The following TMEFF1 variants were observed in gnomAD, a reference collection of about 807,000 sequenced individuals.
TMEFF1 encodes transmembrane protein with EGF like and two follistatin like domains 1.
In TMEFF1, 20 loss-of-function variants were observed where a neutral mutation model predicts 47.5. The ratio of observed to expected loss-of-function variants is 0.42; its 90% CI spans 0.30 to 0.61. The LOEUF (loss-of-function observed/expected upper bound fraction) is 0.61. TMEFF1 is among the 20% of genes least tolerant of loss of function. TMEFF1 has a pLI of 0.19. For synonymous variants in TMEFF1, 162 were observed against 166.3 expected (o/e 0.97, Z 0.20); for missense variants, 411 against 471.1 (o/e 0.87, Z 1.18).
chr9:100,548,358 T>C (rs532682545), intron 6 of TMEFF1, among the ~76,000 whole-genome samples: 1 of 152,354 alleles, frequency 6.6e-6, no homozygotes, highest in South Asian at 2.1e-4. Flanking sequence ...GATTTTGGTG[T>C]GAAGTTAGAG....
chr9:100,480,184 A>G (rs79977116), intron 1 of TMEFF1, among the ~76,000 whole-genome samples: 3,043 of 152,272 alleles, frequency 0.02, 89 homozygotes, highest in African/African-American at 0.069. Flanking sequence ...AGAAATGTCT[A>G]TTCAGATCCT....
At chr9:100,513,387 C>A in intron 4 of TMEFF1, 54 bp downstream of exon 4, 65 of 1,380,188 alleles carry the variant, frequency 4.7e-5, no homozygotes, top group Non-Finnish European at 5.9e-5. Flanking sequence ...TTCTTTCTTT[C>A]TTTTTCTTTT....
In TMEFF1 at chr9:100,515,453, G is replaced by A. The variant is rs1388200910; in HGVS notation, c.464-1222G>A. Among the ~76,000 whole-genome samples, 5 of 152,092 alleles carry A rather than the reference G, an allele frequency of 3.3e-5. No individual in the cohort carries two copies. In the East Asian group the frequency reaches 9.6e-4, roughly 29 times the overall value. ...TTCGGAAGCATTACCAAACAGGCAT[G>A]GCAGATTTGTGTACCTTTTTTAACA... On this transcript the variant is annotated intron_variant, in intron 4 of 9. Transcript: ENST00000374879.
At chr9:100,557,340 T>C (rs1270173544) in intron 7 of TMEFF1, among the ~76,000 whole-genome samples, 1 of 152,068 alleles carries the variant, frequency 6.6e-6, no homozygotes, top group African/African-American at 2.4e-5. Context: ...CTAATTTTCA[T>C]GTAAAACCCG....
At chr9:100,512,727 A>G (rs1254251695) in intron 3 of TMEFF1, among the ~76,000 whole-genome samples, 1 of 152,206 alleles carries the variant, frequency 6.6e-6, no homozygotes, top group Non-Finnish European at 1.5e-5. Context: ...CAAGTCAGGT[A>G]AGTCCTTCGG....
chr9:100,483,544 A>G (rs189763495), intron 1 of TMEFF1, among the ~76,000 whole-genome samples: 199 of 150,480 alleles, frequency 1.3e-3, no homozygotes, highest in Non-Finnish European at 2.1e-3. Context: ...GTGTCATTGT[A>G]TTCTAGTATG....
At chr9:100,572,379 T>C (rs2118581937) in intron 8 of TMEFF1, 139 bp from the exon 9 acceptor site, 2 of 972,080 alleles carry the variant, frequency 2.1e-6, no homozygotes, top group East Asian at 3.0e-5. Flanking sequence ...AAATGACATT[T>C]TTCCCCCAGA....
rs552769399 is a variant in TMEFF1 at position 100,478,713 on chromosome 9, A to C, written c.196+4973A>C. On this transcript the variant is annotated intron_variant, in intron 1 of 9. Transcript: ENST00000374879. ...GAGAAAAAAAGCTTGGAAATACATG[A>C]CATATGTGAAGAAAGATAAACTTGA... Among the ~76,000 whole-genome samples the C allele has an allele frequency of 9.8e-4, 137 of 139,714 alleles. 1 individual carries two copies. The East Asian group carries it at 0.034, about 35-fold the overall frequency. 91.7% of individuals were successfully genotyped at this position (139,714 alleles called of 152,430 possible).
At chr9:100,563,207 A>G (rs930070133) in intron 8 of TMEFF1, among the ~76,000 whole-genome samples, 1 of 151,904 alleles carries the variant, frequency 6.6e-6, no homozygotes, top group Non-Finnish European at 1.5e-5. Context: ...CGTGCCTCAG[A>G]CTCCCAAAGT....
Position 100,543,292 on chromosome 9 carries a change from T to C in TMEFF1, c.561-4452T>C, listed in dbSNP as rs185855714. ...CTGCTGTGGTCTGGTTAATTTCCTC[T>C]GACCTGTCTTCTAATTCACTAATTC... On this transcript the variant is annotated intron_variant, in intron 5 of 9. Coordinates refer to ENST00000374879, the MANE Select transcript of TMEFF1 (RefSeq NM_003692.5). Among the ~76,000 whole-genome samples, 27 of 152,324 alleles carry C rather than the reference T, an allele frequency of 1.8e-4. No individual in the cohort carries two copies. In the East Asian group the frequency reaches 4.6e-3, roughly 26 times the overall value.
intron 5 of TMEFF1, among the ~76,000 whole-genome samples, chr9:100,533,377 T>C (rs1214558668): frequency 6.6e-6 from 1 of 152,204 alleles, no homozygotes; most frequent in African/African-American, 2.4e-5. Context: ...TTTTAAAAAG[T>C]TGCTCATTTC....
intron 8 of TMEFF1, among the ~76,000 whole-genome samples, chr9:100,571,357 A>G (rs753056408): frequency 5.7e-5 from 6 of 104,688 alleles, no homozygotes; most frequent in Non-Finnish European, 1.2e-4. Context: ...ATGTCTTAGA[A>G]CTGGGAATAG....
At chr9:100,543,803 C>T in intron 5 of TMEFF1, among the ~76,000 whole-genome samples, 1 of 151,760 alleles carries the variant, frequency 6.6e-6, no homozygotes. Flanking sequence ...CATTCAAAGC[C>T]ATCCTGGGCT....
chr9:100,493,886 A>G (rs1038366378), intron 1 of TMEFF1, among the ~76,000 whole-genome samples: 2 of 152,152 alleles, frequency 1.3e-5, no homozygotes, highest in Admixed American at 6.5e-5. Flanking sequence ...TCTGTTCTCA[A>G]ATTTGTTAGA....
At chr9:100,547,383 G>A (rs562267599) in intron 5 of TMEFF1, among the ~76,000 whole-genome samples, 82 of 152,232 alleles carry the variant, frequency 5.4e-4, no homozygotes, top group African/African-American at 1.8e-3. Flanking sequence ...ATACAAATCT[G>A]GTAATAACTA....
chr9:100,492,406 AACT>A (rs1837571940), intron 1 of TMEFF1, among the ~76,000 whole-genome samples: 1 of 152,216 alleles, frequency 6.6e-6, no homozygotes, highest in African/African-American at 2.4e-5. Flanking sequence ...TTGTAGTAAC[AACT>A]ACATAGGCTG....
At chr9:100,516,808 A>C in intron 5 of TMEFF1, 37 bp downstream of exon 5, 1 of 1,602,462 alleles carries the variant, frequency 6.2e-7, no homozygotes, top group Non-Finnish European at 8.5e-7. Context: ...AGTTATTTAG[A>C]GATTAATCAT....
At chr9:100,555,798 A>G (rs1838904766) in intron 7 of TMEFF1, among the ~76,000 whole-genome samples, 1 of 152,128 alleles carries the variant, frequency 6.6e-6, no homozygotes, top group Non-Finnish European at 1.5e-5. Context: ...CATCAGTAGG[A>G]TATTCTTTCA....
intron 3 of TMEFF1, among the ~76,000 whole-genome samples, chr9:100,511,857 C>T (rs913314591): frequency 4.6e-5 from 7 of 151,988 alleles, no homozygotes; most frequent in Non-Finnish European, 1.0e-4. Flanking sequence ...TGGGGCAATG[C>T]GTACCATTTA....
Sources: allele counts gnomAD v4.1 joint callset (sites outside exome capture counted in the v4.1 genomes callset), GRCh38; gene constraint gnomAD v4.1.1; transcripts MANE v1.5; gene names NCBI Gene and HGNC (gene_info 2026-07-23, HGNC 2026-07-21).